Variants in STAM observed in about 807,000 individuals in gnomAD.
The protein encoded by STAM is signal transducing adapter molecule 1.
Under a neutral mutation model 63.4 loss-of-function variants are expected in STAM, and 16 were observed. The observed-to-expected ratio is 0.25, with a 90% CI of 0.17 to 0.38. STAM has a LOEUF of 0.38. Among genes scored for constraint, STAM ranks in the 10% least tolerant of loss-of-function variants. The pLI is 1.00. For synonymous variants in STAM, 238 were observed against 223.9 expected, an observed-to-expected ratio of 1.06 and a Z score of -0.56; for missense variants, 636 against 657.1, an observed-to-expected ratio of 0.97 and a Z score of 0.35.
At chr10:17,697,327 C>G (rs1256202969) in intron 8 of STAM, among the ~76,000 whole-genome samples, 1 of 152,142 alleles carries the variant, frequency 6.6e-6, no homozygotes, top group Non-Finnish European at 1.5e-5. Context: ...ATTTTTCTTA[C>G]CAGTTGATTA....
intron 5 of STAM, among the ~76,000 whole-genome samples, chr10:17,692,084 C>T (rs1835561198): frequency 6.6e-6 from 1 of 152,106 alleles, no homozygotes; most frequent in African/African-American, 2.4e-5. Flanking sequence ...CTGTGAGGTG[C>T]CCATGAGGTG....
At position 17,695,257 on chromosome 10, in the gene STAM, C is replaced by T. The variant is rs200552264; in HGVS notation, c.728+16C>T. On this transcript the variant is annotated intron_variant, in intron 7 of 13. Coordinates refer to ENST00000377524, the MANE Select transcript of STAM (RefSeq NM_003473.4). ...TTGATGACAGGTAATGTTAATATTA[C>T]ATTTAAAATTTGTATGAAAGTGTGT... The T allele has an allele frequency of 5.0e-6, 8 of 1,605,820 alleles. No homozygotes were observed. The highest frequency in any genetic ancestry group is 2.2e-5 in the South Asian group (2 of 90,330).
intron 13 of STAM, among the ~76,000 whole-genome samples, chr10:17,713,960 ACCCCCTGCGGCC>A (rs1836681318): frequency 1.3e-5 from 2 of 151,096 alleles, no homozygotes; most frequent in Admixed American, 1.3e-4. Flanking sequence ...TCCCCTCGGC[ACCCCCTGCGGCC>A]CCCTCTGCCG....
At chr10:17,696,549 A>G in intron 7 of STAM, 1 of 442,278 alleles carries the variant, frequency 2.3e-6, no homozygotes, top group Non-Finnish European at 4.0e-6. Context: ...ATAACTGCAG[A>G]GCATGCATTG....
intron 1 of STAM, among the ~76,000 whole-genome samples, chr10:17,657,946 G>C (rs1015770765): frequency 1.5e-4 from 22 of 149,582 alleles, no homozygotes; most frequent in African/African-American, 5.4e-4. Context: ...TTTCTGTATT[G>C]GTCTTATGTT....
chr10:17,696,903 T>C, intron 8 of STAM, 34 bp downstream of exon 8: 2 of 1,523,226 alleles, frequency 1.3e-6, no homozygotes, highest in Non-Finnish European at 1.8e-6. Context: ...TAAATGATGT[T>C]TTCTAATCCT....
At chr10:17,677,457 C>G (rs1235605107) in intron 2 of STAM, among the ~76,000 whole-genome samples, 1 of 152,008 alleles carries the variant, frequency 6.6e-6, no homozygotes, top group Non-Finnish European at 1.5e-5. Context: ...TATATCTGGC[C>G]TTTACCATGC....
At chr10:17,690,216 TG>T (rs1265950975) in intron 5 of STAM, among the ~76,000 whole-genome samples, 2 of 152,208 alleles carry the variant, frequency 1.3e-5, no homozygotes, top group Non-Finnish European at 2.9e-5. Context: ...TGCCCGAGTC[TG>T]CCTTCTTTGT....
chr10:17,684,734 C>A lies in STAM; in HGVS notation c.185C>A (p.Ala62Asp), dbSNP rs782807833. The A allele has an allele frequency of 6.2e-7, 1 of 1,614,030 alleles. No homozygotes were observed. The highest frequency in any genetic ancestry group is 8.5e-7 in the Non-Finnish European group (1 of 1,179,982). Reference protein sequence around the residue: ...RRVNHKDPHVAMQALTLLGAC... With the variant: ...RRVNHKDPHVDMQALTLLGAC... ...GTGAACCACAAAGATCCTCACGTTG[C>A]TATGCAGGCTTTGACTGTGAGTGGT... The change falls in exon 3 of 14, where the codon GCT becomes GAT. Residue 62 changes from alanine (A) to aspartate (D), a missense_variant. Around this residue, in one of 3 missense-constraint regions of STAM, gnomAD observed 87 missense variants for 80.3 expected, o/e 1.08. Transcript: ENST00000377524.
intron 2 of STAM, chr10:17,673,167 T>C (rs1834709702): frequency 5.7e-6 from 2 of 352,754 alleles, no homozygotes; most frequent in Admixed American, 6.4e-5. Flanking sequence ...TTTGTGTTTA[T>C]TGCCACCCGT....
At chr10:17,661,499 T>C (rs1554822878) in intron 2 of STAM, among the ~76,000 whole-genome samples, 1 of 152,218 alleles carries the variant, frequency 6.6e-6, no homozygotes, top group African/African-American at 2.4e-5. Flanking sequence ...GCATCTGTAT[T>C]TGCAGCTCTT....
intron 11 of STAM, 80 bp from the exon 12 acceptor site, chr10:17,705,508 G>T: frequency 6.8e-7 from 1 of 1,471,866 alleles, no homozygotes; most frequent in South Asian, 1.4e-5. Context: ...TGCCATTTTT[G>T]ATATTTTGAT....
chr10:17,644,263 T>C lies in STAM; in HGVS notation c.-77T>C. ...TCTGTTGCTCTTTTTGCCTGAGGAG[T>C]CTTCCATCCTACGTCGAGCTCTGAC... On this transcript the variant is annotated 5_prime_UTR_variant, in exon 1 of 14. Transcript: ENST00000377524. 5.9e-6 allele frequency: 9 copies of C among 1,525,952 alleles called. No homozygotes were observed. The highest frequency in any genetic ancestry group is 9.1e-7 in the Non-Finnish European group (1 of 1,102,096). The allele number at this position is 1,525,952 out of a possible 1,614,324, so 94.5% of individuals were successfully genotyped here. A position where few individuals can be genotyped will look rare whatever the true frequency, so the allele number is the denominator to read the frequency against.
At chr10:17,672,065 T>A (rs1026329313) in intron 2 of STAM, among the ~76,000 whole-genome samples, 6 of 152,160 alleles carry the variant, frequency 3.9e-5, no homozygotes, top group Non-Finnish European at 8.8e-5. Flanking sequence ...TTTTCAAAAG[T>A]TTTATACAGC....
intron 2 of STAM, among the ~76,000 whole-genome samples, chr10:17,668,854 T>G (rs1344725094): frequency 6.6e-6 from 1 of 152,260 alleles, no homozygotes; most frequent in Non-Finnish European, 1.5e-5. Context: ...AGTTTGTTTA[T>G]TAACCTACTG....
Position 17,708,803 on chromosome 10 carries a change from G to C in STAM, c.1237G>C (p.Ala413Pro). 6.2e-7 allele frequency: 1 copy of C among 1,613,918 alleles called. No homozygotes were observed. The highest frequency in any genetic ancestry group is 8.5e-7 in the Non-Finnish European group (1 of 1,179,854). The change falls in exon 13 of 14, where the codon GCC becomes CCC. Residue 413 changes from alanine to proline, a missense_variant. Ala to Pro is a conservative substitution (Grantham distance 27). Transcript: ENST00000377524. ...QVYAGPPPSG[A>P]YLVAGNAQMS... ...GTATGCAGGGCCTCCTCCAAGTGGT[G>C]CCTACCTGGTTGCAGGGAACGCGCA... is the stretch of plus-strand genomic sequence containing the variant.
chr10:17,657,569 T>A (rs1044473583), intron 1 of STAM, among the ~76,000 whole-genome samples: 13 of 152,208 alleles, frequency 8.5e-5, no homozygotes, highest in Middle Eastern at 3.2e-3. Flanking sequence ...TTTGGTAAAA[T>A]TCACCAGTGA....
At chr10:17,654,783 T>A (rs2131569354) in intron 1 of STAM, among the ~76,000 whole-genome samples, 1 of 152,306 alleles carries the variant, frequency 6.6e-6, no homozygotes, top group South Asian at 2.1e-4. Flanking sequence ...GATTAATATT[T>A]TTCAAAAAAG....
rs184088115 is a variant in STAM at position 17,708,771 on chromosome 10, C to T, written c.1210-5C>T. On this transcript the variant is annotated splice_region_variant and splice_polypyrimidine_tract_variant and intron_variant, in intron 12 of 13. Transcript: ENST00000377524. ...TTGAATATGATTTCTCTTTAACCATCGCAGGTGTATGCAGGGCCTCCTCCA... is the reference window on the plus strand; with the variant it reads ...TTGAATATGATTTCTCTTTAACCATTGCAGGTGTATGCAGGGCCTCCTCCA... The T allele has an allele frequency of 1.2e-3, 1,862 of 1,605,210 alleles. 18 individuals carry two copies. Among genetic ancestry groups the T allele is most frequent in the East Asian group, 1.7e-3 (74 of 44,728 alleles).
Sources: allele counts gnomAD v4.1 joint callset (sites outside exome capture counted in the v4.1 genomes callset), GRCh38; gene constraint gnomAD v4.1.1; regional missense constraint gnomAD v4.1.1; transcripts MANE v1.5; gene names NCBI Gene and HGNC (gene_info 2026-07-23, HGNC 2026-07-21).